MRRF: variants seen among roughly 807,000 people sequenced by gnomAD.
The protein encoded by MRRF is ribosome-recycling factor, mitochondrial.
In MRRF, 18 loss-of-function variants were observed where a neutral mutation model predicts 25.1. That is an observed-to-expected ratio of 0.72 (90% CI 0.50 to 1.06). The LOEUF (loss-of-function observed/expected upper bound fraction) is 1.06, where lower values mean the gene tolerates loss of function less well. Ranked by LOEUF, MRRF falls within the 50% of genes least tolerant of loss-of-function variation. The probability of loss-of-function intolerance (pLI) is 0.00; values close to 1 mark genes in which losing one functional copy is unlikely to be tolerated. For missense variants in MRRF, 323 were observed against 319.3 expected, an observed-to-expected ratio of 1.01 and a Z score of -0.09; for synonymous variants, 113 against 112.1, an observed-to-expected ratio of 1.01 and a Z score of -0.05.
Position 122,280,506 on chromosome 9 carries a change from T to G in MRRF, c.248T>G (p.Ile83Ser). 1 of 1,614,068 alleles carries G rather than the reference T, an allele frequency of 6.2e-7. No homozygotes were observed. The highest frequency in any genetic ancestry group is 1.1e-5 in the South Asian group (1 of 91,082). ...AATGCTGCCTTGGTTGAGGATATAA[T>G]CAACTTGGAAGAGGTGAATGAAGAA... is the stretch of plus-strand genomic sequence containing the variant. ...NINAALVEDIINLEEVNEEMK... is the reference protein window; with the variant it reads ...NINAALVEDISNLEEVNEEMK... The change falls in exon 3 of 7, where the codon ATC becomes AGC. Residue 83 changes from isoleucine (I) to serine (S), a missense_variant. Transcript: ENST00000344641.
At chr9:122,292,693 G>C (rs1646917098) in intron 5 of MRRF, among the ~76,000 whole-genome samples, 1 of 152,052 alleles carries the variant, frequency 6.6e-6, no homozygotes, top group Non-Finnish European at 1.5e-5. Flanking sequence ...ATTTAAGCAG[G>C]GGAATGACCT....
intron 4 of MRRF, among the ~76,000 whole-genome samples, chr9:122,288,646 A>G (rs1833562252): frequency 6.6e-6 from 1 of 152,238 alleles, no homozygotes. Flanking sequence ...GTCTACTTTC[A>G]TAGACTACAT....
At chr9:122,291,231 G>A (rs570501870) in intron 4 of MRRF, among the ~76,000 whole-genome samples, 5 of 152,292 alleles carry the variant, frequency 3.3e-5, no homozygotes, top group Admixed American at 1.3e-4. Flanking sequence ...CTACCTTTGC[G>A]GGAGCATATA....
At chr9:122,269,204 A>T (rs1372782196) in intron 1 of MRRF, among the ~76,000 whole-genome samples, 3 of 151,862 alleles carry the variant, frequency 2.0e-5, no homozygotes, top group Non-Finnish European at 4.4e-5. Context: ...GCCATCATTC[A>T]TTAAGCTGCT....
At position 122,284,355 on chromosome 9, in the gene MRRF, C is replaced by T. The variant is rs1028356092; in HGVS notation, c.341-814C>T. Among the ~76,000 whole-genome samples the T allele has an allele frequency of 7.9e-5, 12 of 152,184 alleles. 1 individual carries two copies. In the South Asian group the frequency reaches 2.5e-3, roughly 32 times the overall value. On this transcript the variant is annotated intron_variant, in intron 3 of 6. Coordinates refer to ENST00000344641, the MANE Select transcript of MRRF (RefSeq NM_138777.5). ...TATGATCTTGGCCTGTTTATTCTTC[C>T]CAAGTCTTATTTCCTCATCTGTAAA... is the stretch of plus-strand genomic sequence containing the variant.
chr9:122,290,875 C>G (rs2118793148), intron 4 of MRRF, among the ~76,000 whole-genome samples: 1 of 152,252 alleles, frequency 6.6e-6, no homozygotes, highest in East Asian at 1.9e-4. Context: ...GTCAGAGAAA[C>G]CCCTGAAGGA....
chr9:122,291,902 C>A, intron 5 of MRRF, 62 bp downstream of exon 5: 2 of 1,092,246 alleles, frequency 1.8e-6, no homozygotes, highest in Non-Finnish European at 2.8e-6. Flanking sequence ...GGAAGGAAAC[C>A]AACAAATACC....
chr9:122,280,917 G>A (rs928199924), intron 3 of MRRF, among the ~76,000 whole-genome samples: 1 of 152,186 alleles, frequency 6.6e-6, no homozygotes, highest in African/African-American at 2.4e-5. Context: ...AACAAAAATA[G>A]GTATTGTCTT....
chr9:122,265,510 G>A (rs1386454293), intron 1 of MRRF: 9 of 345,234 alleles, frequency 2.6e-5, no homozygotes, highest in South Asian at 1.3e-4. Flanking sequence ...CACGTGCCTA[G>A]GAAGTGCTGG....
intron 4 of MRRF, chr9:122,286,070 C>T (rs1331915120): frequency 6.2e-6 from 8 of 1,284,936 alleles, no homozygotes; most frequent in African/African-American, 1.5e-5. Context: ...CTTAGAGTAC[C>T]TGGAATCCGG....
chr9:122,289,652 T>C (rs1427694669), intron 4 of MRRF, among the ~76,000 whole-genome samples: 1 of 152,158 alleles, frequency 6.6e-6, no homozygotes, highest in African/African-American at 2.4e-5. Flanking sequence ...ATTAATTTTA[T>C]TTCTTTTTTC....
intron 1 of MRRF, 58 bp from the exon 2 acceptor site, chr9:122,270,806 T>C (rs1261361057): frequency 1.5e-6 from 2 of 1,370,006 alleles, no homozygotes; most frequent in Non-Finnish European, 2.1e-6. Context: ...TACCTGAAGT[T>C]GCAAGCTTTG....
intron 5 of MRRF, among the ~76,000 whole-genome samples, chr9:122,305,107 A>G (rs2118906687): frequency 6.6e-6 from 1 of 152,208 alleles, no homozygotes; most frequent in Middle Eastern, 3.4e-3. Flanking sequence ...ATGCCCAGCT[A>G]ATTTTTTAAA....
intron 1 of MRRF, chr9:122,265,670 C>T: frequency 1.1e-6 from 1 of 910,694 alleles, no homozygotes; most frequent in Non-Finnish European, 1.6e-6. Flanking sequence ...ACAAAATCTA[C>T]GTAGGAGAAA....
intron 6 of MRRF, among the ~76,000 whole-genome samples, chr9:122,314,595 C>T (rs1835401368): frequency 6.6e-6 from 1 of 152,158 alleles, no homozygotes; most frequent in Middle Eastern, 3.2e-3. Flanking sequence ...GGGACAGAGC[C>T]AGGAATCTGT....
intron 5 of MRRF, among the ~76,000 whole-genome samples, chr9:122,311,574 T>C (rs1835208676): frequency 6.6e-6 from 1 of 152,246 alleles, no homozygotes; most frequent in Non-Finnish European, 1.5e-5. Flanking sequence ...GTTTTCTTTC[T>C]GTAGCCTTTA....
At position 122,270,952 on chromosome 9, in the gene MRRF, G is replaced by A; in HGVS notation, c.61G>A (p.Ala21Thr). 3 of 1,614,174 alleles carry A rather than the reference G, an allele frequency of 1.9e-6. No homozygotes were observed. The highest frequency in any genetic ancestry group is 2.5e-6 in the Non-Finnish European group (3 of 1,180,016). The change falls in exon 2 of 7, where the codon GCC becomes ACC. Residue 21 changes from alanine to threonine, a missense_variant. Physicochemically the swap from Ala to Thr is moderately conservative, Grantham distance 58. Coordinates refer to ENST00000344641, the MANE Select transcript of MRRF (RefSeq NM_138777.5). Reference sequence around the variant, plus strand: ...CCCTACCTTTCGCAATTATCTTGCAGCCTCTATCAGACCCGTTTCAGAAGT... The same window carrying A: ...CCCTACCTTTCGCAATTATCTTGCAACCTCTATCAGACCCGTTTCAGAAGT... ...VHPTFRNYLA[A>T]SIRPVSEVTL...
intron 2 of MRRF, among the ~76,000 whole-genome samples, chr9:122,277,843 C>T (rs145343831): frequency 1.2e-3 from 188 of 152,304 alleles, no homozygotes; most frequent in African/African-American, 4.0e-3. Context: ...TGAGCCACCA[C>T]GCCTGGCCTT....
chr9:122,311,493 A>G (rs1205654099), intron 5 of MRRF, among the ~76,000 whole-genome samples: 3 of 152,244 alleles, frequency 2.0e-5, no homozygotes, highest in Non-Finnish European at 2.9e-5. Context: ...TAGTGTGGTA[A>G]TGTCACATTT....
Sources: gnomAD v4.1 joint callset for allele counts (sites outside exome capture counted in the v4.1 genomes callset) on GRCh38, gnomAD v4.1.1 for gene constraint, MANE v1.5 for transcripts, NCBI Gene and HGNC (gene_info 2026-07-23, HGNC 2026-07-21) for gene names.